The following LPGAT1 variants were observed in gnomAD, a reference collection of about 807,000 sequenced individuals.
LPGAT1 encodes the protein acyl-CoA:lysophosphatidylglycerol acyltransferase 1.
LPGAT1 carries 11 observed loss-of-function variants against 47.5 expected under a neutral mutation model. The observed-to-expected ratio is 0.23, with a 90% CI of 0.15 to 0.38. The LOEUF (loss-of-function observed/expected upper bound fraction) is 0.38, where lower values mean the gene tolerates loss of function less well. LPGAT1 is among the 10% of genes least tolerant of loss of function. The pLI, the probability that LPGAT1 is intolerant of heterozygous loss-of-function variation, is 1.00. For missense variants in LPGAT1, 293 were observed against 439.0 expected, an observed-to-expected ratio of 0.67 and a Z score of 2.97; for synonymous variants, 138 against 144.2, an observed-to-expected ratio of 0.96 and a Z score of 0.31.
intron 2 of LPGAT1, among the ~76,000 whole-genome samples, chr1:211,821,786 A>C (rs1421392831): frequency 6.6e-6 from 1 of 152,206 alleles, no homozygotes; most frequent in Non-Finnish European, 1.5e-5. Flanking sequence ...GAGAACTAAG[A>C]ATATTAAAGT....
chr1:211,784,282 A>T (rs371456710), intron 4 of LPGAT1, among the ~76,000 whole-genome samples: 25 of 152,242 alleles, frequency 1.6e-4, no homozygotes, highest in East Asian at 1.4e-3. Flanking sequence ...ATTTCTGTTT[A>T]AAAAAATCTG....
At chr1:211,791,935 G>A (rs1659138746) in intron 3 of LPGAT1, among the ~76,000 whole-genome samples, 1 of 151,402 alleles carries the variant, frequency 6.6e-6, no homozygotes, top group South Asian at 2.1e-4. Flanking sequence ...ACTTCCATTA[G>A]GTCACACATT....
intron 6 of LPGAT1, among the ~76,000 whole-genome samples, chr1:211,778,319 G>A (rs1452828707): frequency 6.9e-6 from 1 of 144,916 alleles, no homozygotes; most frequent in East Asian, 2.0e-4. Context: ...TCCAGTCTGG[G>A]CCACAGACTG....
chr1:211,753,812 C>T (rs993953116), intron 6 of LPGAT1, among the ~76,000 whole-genome samples: 17 of 152,146 alleles, frequency 1.1e-4, no homozygotes, highest in Non-Finnish European at 2.1e-4. Flanking sequence ...CTTTGTTGTT[C>T]CATCACATTT....
chr1:211,814,542 A>G (rs1267147394), intron 2 of LPGAT1, among the ~76,000 whole-genome samples: 3 of 152,182 alleles, frequency 2.0e-5, no homozygotes, highest in Non-Finnish European at 4.4e-5. Flanking sequence ...CTTTCCATGT[A>G]TGGAGTGCTG....
chr1:211,749,653 G>C lies in LPGAT1; in HGVS notation c.*246C>G, dbSNP rs907178125. 4.1e-5 allele frequency: 17 copies of C among 410,644 alleles called. No individual in the cohort carries two copies. Among genetic ancestry groups the C allele is most frequent in the Non-Finnish European group, 6.9e-5 (16 of 230,544 alleles). The allele number at this position is 410,644 out of a possible 1,614,324, so 25.4% of individuals were successfully genotyped here. ...TTCCTCTTCTCCAAATGTGATGTTT[G>C]CTTAAATATGTGATAGAGTGTATCT... On this transcript the variant is annotated 3_prime_UTR_variant, in exon 8 of 8. Transcript: ENST00000366997.
chr1:211,769,735 G>A (rs575863076), intron 6 of LPGAT1, among the ~76,000 whole-genome samples: 1 of 152,278 alleles, frequency 6.6e-6, no homozygotes, highest in East Asian at 1.9e-4. Context: ...CTGTCATGGT[G>A]CTGGCAGGAG....
chr1:211,824,718 T>C (rs1409517002), intron 2 of LPGAT1, among the ~76,000 whole-genome samples: 1 of 152,236 alleles, frequency 6.6e-6, no homozygotes, highest in Non-Finnish European at 1.5e-5. Context: ...TTCTATTTTA[T>C]TTCACATTCT....
chr1:211,813,059 C>T (rs1184195376), intron 2 of LPGAT1, among the ~76,000 whole-genome samples: 1 of 152,092 alleles, frequency 6.6e-6, no homozygotes, highest in Non-Finnish European at 1.5e-5. Context: ...GGTAAAAGAA[C>T]TACCACTGCA....
At chr1:211,796,001 G>C (rs1659335762) in intron 2 of LPGAT1, among the ~76,000 whole-genome samples, 1 of 152,016 alleles carries the variant, frequency 6.6e-6, no homozygotes, top group African/African-American at 2.4e-5. Flanking sequence ...TGTATTAATA[G>C]ATGTCTCATC....
intron 4 of LPGAT1, among the ~76,000 whole-genome samples, chr1:211,786,869 A>T (rs1658900247): frequency 6.6e-6 from 1 of 152,210 alleles, no homozygotes; most frequent in African/African-American, 2.4e-5. Flanking sequence ...CAATAGTAGT[A>T]ATCAAGATAA....
intron 2 of LPGAT1, 53 bp downstream of exon 2, chr1:211,829,006 G>A: frequency 6.3e-7 from 1 of 1,582,510 alleles, no homozygotes; most frequent in Non-Finnish European, 8.6e-7. Context: ...ATTTAATCAT[G>A]GTTCCTGACA....
At chr1:211,778,863 C>T in intron 6 of LPGAT1, 55 bp downstream of exon 6, 1 of 1,348,722 alleles carries the variant, frequency 7.4e-7, no homozygotes, top group Non-Finnish European at 9.8e-7. Flanking sequence ...GACATTCATA[C>T]TATTCTGAGG....
At chr1:211,753,428 T>C (rs901320313) in intron 6 of LPGAT1, among the ~76,000 whole-genome samples, 1 of 152,196 alleles carries the variant, frequency 6.6e-6, no homozygotes, top group Non-Finnish European at 1.5e-5. Flanking sequence ...CTAAATGTTT[T>C]ATGGAGTTTT....
intron 2 of LPGAT1, among the ~76,000 whole-genome samples, chr1:211,813,845 G>A (rs1259552464): frequency 2.0e-5 from 3 of 152,096 alleles, no homozygotes; most frequent in African/African-American, 4.8e-5. Flanking sequence ...CATGAAAGAA[G>A]AAAGAACCAC....
At chr1:211,780,377 G>C (rs929050843) in intron 5 of LPGAT1, among the ~76,000 whole-genome samples, 1 of 152,066 alleles carries the variant, frequency 6.6e-6, no homozygotes, top group South Asian at 2.1e-4. Flanking sequence ...TCCCAGCATG[G>C]GGTACAAAGG....
At position 211,806,132 on chromosome 1, in the gene LPGAT1, C is replaced by T. The variant is rs1254924263; in HGVS notation, c.239-12942G>A. On this transcript the variant is annotated intron_variant, in intron 2 of 7. Transcript: ENST00000366997. ...AAAATTAGCCATGTGTGGTGGCACA[C>T]GCCTGTAGTCCCGGGTACTTGGGAG... is the stretch of plus-strand genomic sequence containing the variant. 4.6e-5 allele frequency among the ~76,000 whole-genome samples: 7 copies of T among 151,972 alleles called. No individual in the cohort carries two copies. In the East Asian group the frequency reaches 7.8e-4, roughly 17 times the overall value.
intron 1 of LPGAT1, chr1:211,829,544 G>A (rs1571778290): frequency 7.2e-7 from 1 of 1,391,488 alleles, no homozygotes. Context: ...GAGGCACGAA[G>A]TATGTCACAA....
At position 211,830,438 on chromosome 1, in the gene LPGAT1, C is replaced by A; in HGVS notation, c.-28+135G>T. 8.5e-7 allele frequency: 1 copy of A among 1,175,550 alleles called. No individual in the cohort carries two copies. The highest frequency in any genetic ancestry group is 1.1e-6 in the Non-Finnish European group (1 of 949,112). 72.8% of individuals were successfully genotyped at this position (1,175,550 alleles called of 1,614,324 possible). On this transcript the variant is annotated intron_variant, in intron 1 of 7. Coordinates refer to ENST00000366997, the MANE Select transcript of LPGAT1 (RefSeq NM_014873.3). The surrounding 1 kb of genome is among the most constrained non-coding windows in gnomAD (Gnocchi z 5.9). ...CCCCCGCCTCCTCCCCGGGGCCTAC[C>A]GCGCCCTCGTCCCTCAGGCCGCTGC...
Sources: allele counts gnomAD v4.1 joint callset (sites outside exome capture counted in the v4.1 genomes callset), GRCh38; gene constraint gnomAD v4.1.1; non-coding constraint Gnocchi (gnomAD v3.1); transcripts MANE v1.5; gene names NCBI Gene and HGNC (gene_info 2026-07-23, HGNC 2026-07-21).